Variants in RBFOX1 observed in about 807,000 individuals in gnomAD.
RBFOX1 encodes RNA binding fox-1 homolog 1.
A neutral mutation model predicts 57.7 loss-of-function variants in RBFOX1; 8 were observed. The ratio of observed to expected loss-of-function variants is 0.14; its 90% CI spans 0.08 to 0.25. RBFOX1 has a LOEUF of 0.25. RBFOX1 is among the 10% of genes least tolerant of loss of function. The probability of loss-of-function intolerance (pLI) is 1.00; values close to 1 mark genes in which losing one functional copy is unlikely to be tolerated. For missense variants in RBFOX1, 611 were observed against 548.5 expected, an observed-to-expected ratio of 1.11 and a Z score of -1.14; for synonymous variants, 326 against 222.4, an observed-to-expected ratio of 1.47 and a Z score of -4.15.
chr16:7,647,579 G>C (rs1245953240), intron 11 of RBFOX1, among the ~76,000 whole-genome samples: 2 of 151,910 alleles, frequency 1.3e-5, no homozygotes, highest in African/African-American at 4.8e-5. Flanking sequence ...TGCAGTGCTG[G>C]GGTTTAGAAA....
At chr16:7,646,090 G>A (rs1215619078) in intron 11 of RBFOX1, among the ~76,000 whole-genome samples, 2 of 152,090 alleles carry the variant, frequency 1.3e-5, no homozygotes, top group Admixed American at 6.5e-5. Context: ...TAAAGAGAGT[G>A]ACCTAGTTGT....
chr16:5,761,284 A>G (rs1326574498), intron 3 of RBFOX1, among the ~76,000 whole-genome samples: 1 of 152,182 alleles, frequency 6.6e-6, no homozygotes, highest in East Asian at 1.9e-4. Flanking sequence ...TCACCTTCAG[A>G]ATGTGCCCCC....
exon 3 of RBFOX1, chr16:5,600,129 A>C (rs975064030): frequency 6.6e-5 from 9 of 136,882 alleles, no homozygotes; most frequent in African/African-American, 2.7e-4. Context: ...CTCTACTAAA[A>C]ATACAAAAAA....
chr16:7,243,638 C>A (rs932173694), intron 4 of RBFOX1, among the ~76,000 whole-genome samples: 5 of 152,116 alleles, frequency 3.3e-5, no homozygotes, highest in African/African-American at 1.2e-4. Context: ...GCCTCAAATT[C>A]TGGGGCTCAA....
At chr16:6,648,978 T>C (rs1185531564) in intron 2 of RBFOX1, among the ~76,000 whole-genome samples, 1 of 152,204 alleles carries the variant, frequency 6.6e-6, no homozygotes, top group Non-Finnish European at 1.5e-5. Flanking sequence ...ACATAACATC[T>C]ACTTTCTTAG....
At chr16:5,874,200 C>T (rs1192697355) in intron 4 of RBFOX1, among the ~76,000 whole-genome samples, 2 of 152,156 alleles carry the variant, frequency 1.3e-5, no homozygotes, top group African/African-American at 2.4e-5. Flanking sequence ...TAGGAGTAAA[C>T]AGAAGGAGAA....
intron 4 of RBFOX1, among the ~76,000 whole-genome samples, chr16:5,912,062 C>A (rs1358448580): frequency 6.6e-6 from 1 of 152,174 alleles, no homozygotes; most frequent in Non-Finnish European, 1.5e-5. Flanking sequence ...TCCACCCAAG[C>A]GCCATCTAAA....
intron 15 of RBFOX1, chr16:7,710,400 G>C (rs1309398372): frequency 6.5e-6 from 9 of 1,389,246 alleles, no homozygotes; most frequent in Non-Finnish European, 8.3e-6. Flanking sequence ...AAGAGGACTG[G>C]CTGACAGAAT....
intron 3 of RBFOX1, among the ~76,000 whole-genome samples, chr16:5,652,146 C>A (rs76004270): frequency 0.014 from 2,079 of 152,176 alleles, 60 homozygotes; most frequent in African/African-American, 0.046. Context: ...AAAAATTATA[C>A]TTTTAATGAT....
At chr16:5,461,412 C>T (rs1193476526) in intron 1 of RBFOX1, among the ~76,000 whole-genome samples, 4 of 152,012 alleles carry the variant, frequency 2.6e-5, no homozygotes, top group Admixed American at 6.6e-5. Context: ...CTGAGGAAAC[C>T]AGCAGGCTGG....
chr16:7,334,682 T>A (rs2096754026), intron 4 of RBFOX1, among the ~76,000 whole-genome samples: 1 of 152,160 alleles, frequency 6.6e-6, no homozygotes, highest in Non-Finnish European at 1.5e-5. Context: ...ACTATCGATT[T>A]GTTGGAATGT....
chr16:6,560,377 GGA>G (rs2153906141), intron 2 of RBFOX1, among the ~76,000 whole-genome samples: 1 of 30,660 alleles, frequency 3.3e-5, no homozygotes, highest in South Asian at 0.038. Flanking sequence ...TACATGAGGA[GGA>G]GAGGGCCAGT....
chr16:7,631,190 C>T (rs1318802058), intron 11 of RBFOX1, among the ~76,000 whole-genome samples: 1 of 133,996 alleles, frequency 7.5e-6, no homozygotes, highest in Non-Finnish European at 1.6e-5. Context: ...GGAGGAGGAG[C>T]AGAGAGAGAA....
At chr16:5,948,125 AC>A (rs1349789452) in intron 4 of RBFOX1, among the ~76,000 whole-genome samples, 1 of 152,078 alleles carries the variant, frequency 6.6e-6, no homozygotes, top group Non-Finnish European at 1.5e-5. Context: ...TGCAGTTGAA[AC>A]AGGACAGGGG....
chr16:7,687,594 C>T (rs1207782796), intron 14 of RBFOX1, among the ~76,000 whole-genome samples: 2 of 151,920 alleles, frequency 1.3e-5, no homozygotes, highest in Non-Finnish European at 2.9e-5. Flanking sequence ...TGGCTGAGTT[C>T]CATATGGCAC....
intron 5 of RBFOX1, among the ~76,000 whole-genome samples, chr16:7,576,661 G>A (rs1425109406): frequency 6.6e-6 from 1 of 152,196 alleles, no homozygotes; most frequent in African/African-American, 2.4e-5. Flanking sequence ...TTTGACTAGA[G>A]ATGATTAATT....
chr16:7,156,541 G>A (rs1249074524), intron 4 of RBFOX1, among the ~76,000 whole-genome samples: 1 of 151,836 alleles, frequency 6.6e-6, no homozygotes. Context: ...GTGTACATAT[G>A]CATGTAGATA....
At chr16:7,592,211 G>A (rs757781240) in intron 7 of RBFOX1, among the ~76,000 whole-genome samples, 10 of 152,100 alleles carry the variant, frequency 6.6e-5, no homozygotes, top group Admixed American at 3.3e-4. Flanking sequence ...AAGAAGTTTC[G>A]CAGAAAAACA....
At chr16:7,118,822 C>G (rs896147092) in intron 4 of RBFOX1, among the ~76,000 whole-genome samples, 3 of 152,084 alleles carry the variant, frequency 2.0e-5, no homozygotes, top group Non-Finnish European at 4.4e-5. Context: ...TGAAGAATTA[C>G]CAGGGCACCG....
Sources: gnomAD v4.1 joint callset for allele counts (sites outside exome capture counted in the v4.1 genomes callset) on GRCh38, gnomAD v4.1.1 for gene constraint, MANE v1.5 for transcripts, NCBI Gene and HGNC (gene_info 2026-07-23, HGNC 2026-07-21) for gene names.